SF3B3: variants seen among roughly 807,000 people sequenced by gnomAD.
SF3B3 encodes SAP 130.
SF3B3 carries 33 observed loss-of-function variants against 139.2 expected under a neutral mutation model. The ratio of observed to expected loss-of-function variants is 0.24; its 90% CI spans 0.18 to 0.32. The LOEUF is 0.32. SF3B3 is among the 10% of genes least tolerant of loss of function. The pLI is 1.00. For missense variants in SF3B3, 818 were observed against 1,509.4 expected, an observed-to-expected ratio of 0.54 and a Z score of 7.59; for synonymous variants, 596 against 563.6, an observed-to-expected ratio of 1.06 and a Z score of -0.81.
At chr16:70,541,598 T>C in intron 8 of SF3B3, 71 bp from the exon 9 acceptor site, 1 of 1,260,458 alleles carries the variant, frequency 7.9e-7, no homozygotes, top group Non-Finnish European at 1.1e-6. Context: ...TTGTGCTTTA[T>C]GTTGATGCCA....
chr16:70,561,125 A>G (rs1451868210), intron 16 of SF3B3, among the ~76,000 whole-genome samples: 2 of 152,076 alleles, frequency 1.3e-5, no homozygotes, highest in Non-Finnish European at 2.9e-5. Context: ...GGTTCAACCA[A>G]TTGTCTTTCC....
intron 4 of SF3B3, among the ~76,000 whole-genome samples, 167 bp from the exon 5 acceptor site, chr16:70,532,312 C>G (rs1177274411): frequency 1.4e-5 from 2 of 141,400 alleles, no homozygotes; most frequent in African/African-American, 5.5e-5. Context: ...AAGATCATAC[C>G]TCTGTGCACT....
At chr16:70,557,259 A>T (rs2050387589) in intron 15 of SF3B3, among the ~76,000 whole-genome samples, 1 of 152,216 alleles carries the variant, frequency 6.6e-6, no homozygotes, top group African/African-American at 2.4e-5. Context: ...ATGCTGTTTG[A>T]TAGCTACTCT....
intron 17 of SF3B3, 112 bp downstream of exon 17, chr16:70,561,896 C>A: frequency 1.2e-6 from 1 of 855,510 alleles, no homozygotes; most frequent in Non-Finnish European, 1.8e-6. Flanking sequence ...GAGCCGACTT[C>A]ACCATGAAGC....
chr16:70,562,058 G>A (rs1352680875), intron 17 of SF3B3, among the ~76,000 whole-genome samples: 1 of 152,166 alleles, frequency 6.6e-6, no homozygotes, highest in Non-Finnish European at 1.5e-5. Flanking sequence ...TCTAGCAAAA[G>A]GGTATTGCCA....
At chr16:70,534,865 C>A (rs1414128864) in intron 5 of SF3B3, among the ~76,000 whole-genome samples, 2 of 152,056 alleles carry the variant, frequency 1.3e-5, no homozygotes, top group African/African-American at 4.8e-5. Flanking sequence ...GACGGGATTT[C>A]ACCGTGTTGG....
At chr16:70,541,985 C>A in intron 9 of SF3B3, 151 bp downstream of exon 9, 1 of 648,572 alleles carries the variant, frequency 1.5e-6, no homozygotes, top group Non-Finnish European at 2.5e-6. Flanking sequence ...ATTAATAAGT[C>A]CTCGGGCTTT....
At chr16:70,551,517 A>G (rs1364674662) in intron 11 of SF3B3, among the ~76,000 whole-genome samples, 1 of 152,162 alleles carries the variant, frequency 6.6e-6, no homozygotes, top group African/African-American at 2.4e-5. Flanking sequence ...AGCCTGACCA[A>G]TATGGAGAAA....
chr16:70,530,329 TTTC>T (rs1306767817), intron 3 of SF3B3, among the ~76,000 whole-genome samples: 5 of 141,350 alleles, frequency 3.5e-5, no homozygotes, highest in African/African-American at 1.2e-4. Context: ...TTTTTTTTTT[TTTC>T]AAATGAGGCA....
At chr16:70,541,256 A>G (rs1444697760) in intron 8 of SF3B3, among the ~76,000 whole-genome samples, 3 of 152,190 alleles carry the variant, frequency 2.0e-5, no homozygotes, top group South Asian at 2.1e-4. Flanking sequence ...AGAAATGTCT[A>G]TTCAAATCCC....
intron 10 of SF3B3, among the ~76,000 whole-genome samples, chr16:70,545,858 T>G (rs1319006174): frequency 6.6e-6 from 1 of 152,238 alleles, no homozygotes; most frequent in East Asian, 1.9e-4. Flanking sequence ...AAATGTTAGC[T>G]GTTAACATTG....
chr16:70,573,785 C>CT lies in SF3B3; in HGVS notation c.*1974dup, dbSNP rs966171250. 2.0e-5 allele frequency: 3 copies of CT among 152,198 alleles called. No individual in the cohort carries two copies. Among genetic ancestry groups the CT allele is most frequent in the Non-Finnish European group, 1.5e-5 (1 of 68,040 alleles). The allele number at this position is 152,198 out of a possible 1,614,324, so 9.4% of individuals were successfully genotyped here. A position where few individuals can be genotyped will look rare whatever the true frequency, so the allele number is the denominator to read the frequency against. ...CAGAACTCAGACAGAGGGATCTGCC[C>CT]TTGGGTTTGCTTCCATCCTGTTCCA... On this transcript the variant is annotated 3_prime_UTR_variant, in exon 26 of 26. Transcript: ENST00000302516.
At chr16:70,547,790 C>T (rs993217400) in intron 10 of SF3B3, among the ~76,000 whole-genome samples, 2 of 152,156 alleles carry the variant, frequency 1.3e-5, no homozygotes, top group South Asian at 2.1e-4. Flanking sequence ...CGGGTTTCAC[C>T]GTGTTGGCCA....
rs762163107 is a variant in SF3B3 at position 70,538,320 on chromosome 16, T to C, written c.826-3T>C. On this transcript the variant is annotated splice_region_variant and splice_polypyrimidine_tract_variant and intron_variant, in intron 6 of 25. Coordinates refer to ENST00000302516, the MANE Select transcript of SF3B3 (RefSeq NM_012426.5). ...ACATTGATTGTGTTTTTGACTTTGC[T>C]AGAATGACCTGGATGACCCTGAAAG... 11 of 1,613,302 alleles carry C rather than the reference T, an allele frequency of 6.8e-6. No homozygotes were observed. Among genetic ancestry groups the C allele is most frequent in the Non-Finnish European group, 9.3e-6 (11 of 1,179,454 alleles).
Position 70,541,723 on chromosome 16 carries a change from A to G in SF3B3, c.1122A>G (p.Ser374=). The change falls in exon 9 of 26, where the codon TCA becomes TCG. Residue 374 remains serine, a synonymous_variant. Transcript: ENST00000302516. ...LGDDDEEPEF[S]SAMPLEEGDT... Reference sequence around the variant, plus strand: ...ATGATGATGAAGAACCTGAGTTTTCATCAGCCATGCCTCTGGAAGAAGGAG... The same window carrying G: ...ATGATGATGAAGAACCTGAGTTTTCGTCAGCCATGCCTCTGGAAGAAGGAG... 4 of 1,614,128 alleles carry G rather than the reference A, an allele frequency of 2.5e-6. No individual in the cohort carries two copies. The highest frequency in any genetic ancestry group is 2.5e-6 in the Non-Finnish European group (3 of 1,179,976).
intron 9 of SF3B3, among the ~76,000 whole-genome samples, chr16:70,542,285 C>G (rs528084948): frequency 2.6e-5 from 4 of 152,220 alleles, no homozygotes; most frequent in African/African-American, 9.6e-5. Context: ...TGTGGTTGAC[C>G]TCTTGTCATG....
At chr16:70,544,998 A>C (rs146334611) in intron 10 of SF3B3, among the ~76,000 whole-genome samples, 3 of 152,224 alleles carry the variant, frequency 2.0e-5, no homozygotes, top group Non-Finnish European at 4.4e-5. Flanking sequence ...AATGCTATAT[A>C]TATTTTTGTA....
chr16:70,540,009 C>T (rs1413516222), intron 8 of SF3B3, among the ~76,000 whole-genome samples: 1 of 150,976 alleles, frequency 6.6e-6, no homozygotes, highest in African/African-American at 2.4e-5. Context: ...CTTCCGACCT[C>T]AGGTGATCGC....
intron 10 of SF3B3, 73 bp downstream of exon 10, chr16:70,544,606 C>G (rs2050250885): frequency 2.4e-6 from 2 of 841,868 alleles, no homozygotes; most frequent in Admixed American, 3.9e-5. Context: ...TGGGTTTACT[C>G]TGATGTTGTC....
Sources: gnomAD v4.1 joint callset for allele counts (sites outside exome capture counted in the v4.1 genomes callset) on GRCh38, gnomAD v4.1.1 for gene constraint, MANE v1.5 for transcripts, NCBI Gene and HGNC (gene_info 2026-07-23, HGNC 2026-07-21) for gene names.